Variants in PKIB observed in about 807,000 individuals in gnomAD.
PKIB encodes PKI-beta.
In PKIB, 2 loss-of-function variants were observed where a neutral mutation model predicts 4.5. The observed-to-expected ratio is 0.44, with a 90% confidence interval of 0.18 to 1.39. The LOEUF is 1.39. PKIB is among the 40% of genes most tolerant of loss of function. The pLI is 0.27. For missense variants in PKIB, 94 were observed against 92.6 expected, an observed-to-expected ratio of 1.02 and a Z score of -0.06; for synonymous variants, 38 against 36.0, an observed-to-expected ratio of 1.06 and a Z score of -0.20.
At chr6:122,656,945 T>C (rs142136726) in intron 2 of PKIB, among the ~76,000 whole-genome samples, 1 of 152,336 alleles carries the variant, frequency 6.6e-6, no homozygotes, top group Non-Finnish European at 1.5e-5. Context: ...ATTTTTCCCT[T>C]TCAGAATTGT....
At chr6:122,701,475 T>G (rs749531624) in intron 3 of PKIB, 114 of 1,594,476 alleles carry the variant, frequency 7.1e-5, no homozygotes, top group Non-Finnish European at 9.5e-5. Context: ...AAACACAGGC[T>G]GAACCTGACA....
intron 3 of PKIB, among the ~76,000 whole-genome samples, chr6:122,711,773 T>C (rs1414679368): frequency 6.6e-6 from 1 of 152,144 alleles, no homozygotes; most frequent in East Asian, 1.9e-4. Context: ...GTGCATTAAT[T>C]TATCTGGAAA....
chr6:122,666,112 G>A lies in PKIB; in HGVS notation c.-75-8966G>A, dbSNP rs185718242. Among the ~76,000 whole-genome samples the A allele has an allele frequency of 1.4e-3, 220 of 152,250 alleles. 1 individual carries two copies. The highest frequency in any genetic ancestry group is 2.5e-3 in the Non-Finnish European group (173 of 68,022). On this transcript the variant is annotated intron_variant, in intron 2 of 4. Coordinates refer to ENST00000368452, the MANE Select transcript of PKIB (RefSeq NM_181795.3). Reference sequence around the variant, plus strand: ...TAGAGCCAGTCTGTCTCCAAAGCTCGTGTGCATAGCATTATACTGTCTTTA... The same window carrying A: ...TAGAGCCAGTCTGTCTCCAAAGCTCATGTGCATAGCATTATACTGTCTTTA...
chr6:122,599,981 ATATCTATATC>A (rs946002706), intron 3 of PKIB, among the ~76,000 whole-genome samples: 6 of 80,766 alleles, frequency 7.4e-5, no homozygotes, highest in Admixed American at 3.3e-4. Flanking sequence ...GGATATATCT[ATATCTATATC>A]TATATCTATA....
At chr6:122,504,316 T>G (rs1776334879) in intron 2 of PKIB, among the ~76,000 whole-genome samples, 1 of 152,192 alleles carries the variant, frequency 6.6e-6, no homozygotes, top group South Asian at 2.1e-4. Context: ...GCATTTTCCT[T>G]CTGATAAAAT....
chr6:122,552,543 CT>C (rs1393362059), intron 2 of PKIB, among the ~76,000 whole-genome samples: 2 of 151,844 alleles, frequency 1.3e-5, no homozygotes, highest in Non-Finnish European at 2.9e-5. Flanking sequence ...TGCCCAGCTA[CT>C]TTTTTGTATT....
At chr6:122,680,338 T>G (rs1173284804) in intron 3 of PKIB, among the ~76,000 whole-genome samples, 3 of 152,212 alleles carry the variant, frequency 2.0e-5, no homozygotes, top group African/African-American at 7.2e-5. Context: ...CCCAGCAAGG[T>G]CTGTCGGTCT....
chr6:122,549,302 C>A (rs1221526181), intron 2 of PKIB, among the ~76,000 whole-genome samples: 2 of 152,176 alleles, frequency 1.3e-5, no homozygotes, highest in African/African-American at 4.8e-5. Context: ...TGGTAACCTG[C>A]TTGAGCAACC....
intron 2 of PKIB, among the ~76,000 whole-genome samples, chr6:122,503,629 T>C (rs1244434333): frequency 1.3e-5 from 2 of 152,168 alleles, no homozygotes; most frequent in Non-Finnish European, 2.9e-5. Context: ...GCCCAGTTAG[T>C]ATCCCAAAAG....
intron 2 of PKIB, among the ~76,000 whole-genome samples, chr6:122,673,669 A>C: frequency 6.6e-6 from 1 of 152,208 alleles, no homozygotes; most frequent in Non-Finnish European, 1.5e-5. Flanking sequence ...AGGCAGCTCC[A>C]AGTCTGAAAA....
intron 2 of PKIB, among the ~76,000 whole-genome samples, chr6:122,641,883 A>G (rs771132699): frequency 1.1e-4 from 16 of 152,184 alleles, no homozygotes; most frequent in Non-Finnish European, 1.8e-4. Context: ...AGTAGAGACC[A>G]GGTTTCACCA....
intron 3 of PKIB, among the ~76,000 whole-genome samples, chr6:122,704,106 A>T (rs1392227768): frequency 6.6e-6 from 1 of 152,034 alleles, no homozygotes; most frequent in African/African-American, 2.4e-5. Flanking sequence ...TGTCGGTTCC[A>T]GGCCAAGTCT....
chr6:122,680,183 C>T (rs1287257136), intron 3 of PKIB, among the ~76,000 whole-genome samples: 1 of 152,190 alleles, frequency 6.6e-6, no homozygotes, highest in African/African-American at 2.4e-5. Context: ...AACATGAATA[C>T]ATAGGAGCCT....
intron 1 of PKIB, among the ~76,000 whole-genome samples, chr6:122,620,596 C>T (rs964102019): frequency 6.6e-6 from 1 of 152,104 alleles, no homozygotes; most frequent in African/African-American, 2.4e-5. Flanking sequence ...CCACACAAGG[C>T]ATGAAAGTGG....
intron 2 of PKIB, among the ~76,000 whole-genome samples, chr6:122,511,672 G>A (rs888699417): frequency 1.1e-4 from 17 of 152,188 alleles, no homozygotes; most frequent in East Asian, 1.9e-4. Context: ...TGCAAAAGGC[G>A]CCGAGCTCTG....
chr6:122,556,524 C>T (rs1772846628), intron 2 of PKIB, among the ~76,000 whole-genome samples: 1 of 152,032 alleles, frequency 6.6e-6, no homozygotes, highest in South Asian at 2.1e-4. Context: ...TGAGTAGGAC[C>T]AGAACAAAAG....
intron 4 of PKIB, among the ~76,000 whole-genome samples, chr6:122,724,365 C>T (rs1407445979): frequency 1.3e-5 from 2 of 152,108 alleles, no homozygotes; most frequent in African/African-American, 4.8e-5. Flanking sequence ...ACACCAGGAG[C>T]CAGCTCCAAA....
chr6:122,711,580 C>G (rs1233280605), intron 3 of PKIB, among the ~76,000 whole-genome samples: 2 of 152,106 alleles, frequency 1.3e-5, no homozygotes, highest in African/African-American at 4.8e-5. Context: ...TAGTATGAAA[C>G]TAAAAAGAAT....
In PKIB at chr6:122,617,581, T is replaced by C. The variant is rs186721023; in HGVS notation, c.-161+7046T>C. 2.6e-3 allele frequency among the ~76,000 whole-genome samples: 390 copies of C among 152,310 alleles called. 1 individual carries two copies. The highest frequency in any genetic ancestry group is 9.0e-3 in the African/African-American group (374 of 41,576). ...CATAGATATTTATTTTTACCAACTC[T>C]TTAAAAAAGTATTTTAATTTATCCC... On this transcript the variant is annotated intron_variant, in intron 1 of 4. Coordinates refer to ENST00000368452, the MANE Select transcript of PKIB (RefSeq NM_181795.3).
Sources: allele counts gnomAD v4.1 joint callset (sites outside exome capture counted in the v4.1 genomes callset), GRCh38; gene constraint gnomAD v4.1.1; transcripts MANE v1.5; gene names NCBI Gene and HGNC (gene_info 2026-07-23, HGNC 2026-07-21).